The following CDH7 variants were observed in gnomAD, a reference collection of about 807,000 sequenced individuals.
The protein encoded by CDH7 is cadherin-7.
In CDH7, 25 loss-of-function variants were observed where a neutral mutation model predicts 71.8. The ratio of observed to expected loss-of-function variants is 0.35; its 90% CI spans 0.25 to 0.49. The LOEUF (loss-of-function observed/expected upper bound fraction) is 0.49, where lower values mean the gene tolerates loss of function less well. Ranked by LOEUF, CDH7 falls within the 20% of genes least tolerant of loss-of-function variation. The pLI is 0.99. For synonymous variants in CDH7, 381 were observed against 363.8 expected, an observed-to-expected ratio of 1.05 and a Z score of -0.54; for missense variants, 862 against 974.6, an observed-to-expected ratio of 0.88 and a Z score of 1.54.
chr18:65,796,923 G>A (rs73966304), intron 2 of CDH7, among the ~76,000 whole-genome samples: 2,760 of 152,238 alleles, frequency 0.018, 83 homozygotes, highest in African/African-American at 0.064. Flanking sequence ...AAATGTAGCC[G>A]TTAAGAAAAT....
At chr18:65,856,786 G>C (rs2144025510) in intron 7 of CDH7, among the ~76,000 whole-genome samples, 1 of 152,126 alleles carries the variant, frequency 6.6e-6, no homozygotes, top group South Asian at 2.1e-4. Flanking sequence ...AAGACTGCGA[G>C]GGGAACCTGA....
intron 7 of CDH7, among the ~76,000 whole-genome samples, chr18:65,850,871 GCACAAT>G (rs142586939): frequency 0.17 from 24,843 of 149,980 alleles, 2,606 homozygotes; most frequent in Non-Finnish European, 0.24. Flanking sequence ...GAGTGCAATG[GCACAAT>G]CATGGCTCAC....
In CDH7 at chr18:65,822,007, C is replaced by T. The variant is rs28722899; in HGVS notation, c.626-74C>T. On this transcript the variant is annotated intron_variant, in intron 4 of 11. Transcript: ENST00000397968. ...GCAACAACTCAAGAGGGACTTACTACTTGTATCAGTATTCTTTGTTAGTAT... is the reference window on the plus strand; with the variant it reads ...GCAACAACTCAAGAGGGACTTACTATTTGTATCAGTATTCTTTGTTAGTAT... 0.055 allele frequency: 64,272 copies of T among 1,169,118 alleles called. 3,357 individuals are homozygous for T. Among genetic ancestry groups the T allele is most frequent in the African/African-American group, 0.23 (15,092 of 66,348 alleles). The allele number at this position is 1,169,118 out of a possible 1,614,324, so 72.4% of individuals were successfully genotyped here.
chr18:65,868,283 C>T (rs1599064072), intron 11 of CDH7, among the ~76,000 whole-genome samples: 1 of 152,118 alleles, frequency 6.6e-6, no homozygotes, highest in South Asian at 2.1e-4. Flanking sequence ...AGCCTAAGTG[C>T]TTTACAAGCT....
intron 2 of CDH7, among the ~76,000 whole-genome samples, chr18:65,776,712 A>G (rs1265386705): frequency 1.3e-5 from 2 of 152,164 alleles, no homozygotes; most frequent in African/African-American, 4.8e-5. Flanking sequence ...CCAACCTATC[A>G]TATCGCCGAG....
At chr18:65,750,903 C>G (rs1441136519), upstream of CDH7, 1 of 152,166 alleles carries the variant, frequency 6.6e-6, no homozygotes, top group African/African-American at 2.4e-5. Context: ...CGCAGCGGGC[C>G]CCCGGCGCCC....
Position 65,889,242 on chromosome 18 carries a change from C to T in CDH7, c.*8348C>T, listed in dbSNP as rs1177562656. 6.6e-6 allele frequency: 1 copy of T among 151,946 alleles called. No individual in the cohort carries two copies. The highest frequency in any genetic ancestry group is 2.4e-5 in the African/African-American group (1 of 41,372). 9.4% of individuals were successfully genotyped at this position (151,946 alleles called of 1,614,324 possible). On this transcript the variant is annotated 3_prime_UTR_variant, in exon 12 of 12. Coordinates refer to ENST00000397968, the MANE Select transcript of CDH7 (RefSeq NM_004361.5). ...TGGCACACAAGGGTAGGAGAAAAAT[C>T]CCAACAACCCTTCCACCTTTTCCAA...
intron 6 of CDH7, among the ~76,000 whole-genome samples, chr18:65,840,041 GCAAA>G (rs758307348): frequency 6.6e-5 from 10 of 152,270 alleles, no homozygotes; most frequent in Non-Finnish European, 1.5e-4. Flanking sequence ...ATTATTATTT[GCAAA>G]CAATCATATT....
At chr18:65,803,897 A>G (rs1911217446) in intron 2 of CDH7, 1 of 150,470 alleles carries the variant, frequency 6.6e-6, no homozygotes, top group Admixed American at 6.6e-5. Flanking sequence ...TTACTTTGCC[A>G]TCATTACTTC....
rs1224753836 is a variant in CDH7, at chr18:65,780,224, G to T, written c.210+17172G>T. Among the ~76,000 whole-genome samples the T allele has an allele frequency of 1.7e-5, 2 of 118,784 alleles. 1 individual carries two copies. The highest frequency in any genetic ancestry group is 7.5e-5 in the African/African-American group (2 of 26,796). The allele number at this position is 118,784 out of a possible 152,430, so 77.9% of individuals were successfully genotyped here. On this transcript the variant is annotated intron_variant, in intron 2 of 11. Coordinates refer to ENST00000397968, the MANE Select transcript of CDH7 (RefSeq NM_004361.5). ...TATTAGCCCTTTGTCAGATGAGTAG[G>T]TTGCTAAAATTTTCTCCCATTCTGT...
chr18:65,804,799 T>G (rs781642131), intron 2 of CDH7, among the ~76,000 whole-genome samples: 1 of 151,966 alleles, frequency 6.6e-6, no homozygotes, highest in Non-Finnish European at 1.5e-5. Flanking sequence ...GAAAGATGCC[T>G]GTTTCTACCA....
chr18:65,880,437 A>G lies in CDH7; in HGVS notation c.1901A>G (p.Lys634Arg). The G allele has an allele frequency of 6.4e-7, 1 of 1,561,038 alleles. No homozygotes were observed. The highest frequency in any genetic ancestry group is 8.6e-7 in the Non-Finnish European group (1 of 1,160,880). The stretch of plus-strand genomic sequence containing the variant: ...CTTATCGTCACTATGAGAAGACGGA[A>G]AAAAGAGCCCCTTATTTTTGACGAA... ...ILLIVTMRRR[K>R]KEPLIFDEER... Residue 634 changes from lysine to arginine, a missense_variant, in exon 12 of 12, where the codon AAA becomes AGA. Transcript: ENST00000397968.
chr18:65,796,954 A>C (rs1055702488), intron 2 of CDH7, among the ~76,000 whole-genome samples: 23 of 152,202 alleles, frequency 1.5e-4, no homozygotes, highest in African/African-American at 5.3e-4. Flanking sequence ...TTACAGTTTA[A>C]AAATCTAAAC....
chr18:65,781,978 CTCTCTCTCTTTCTCTCTT>C (rs1910273635), intron 2 of CDH7, among the ~76,000 whole-genome samples: 3 of 91,854 alleles, frequency 3.3e-5, no homozygotes, highest in Non-Finnish European at 6.1e-5. Context: ...CTCTCTCTCT[CTCTCTCTCTTTCTCTCTT>C]TCTCTCTTTC....
chr18:65,756,908 TGTG>T (rs2143773817), intron 1 of CDH7, among the ~76,000 whole-genome samples: 1 of 152,338 alleles, frequency 6.6e-6, no homozygotes, highest in African/African-American at 2.4e-5. Context: ...AAACTACTCT[TGTG>T]GTGATATGTT....
chr18:65,814,331 TAAAA>T (rs199651757), intron 3 of CDH7, among the ~76,000 whole-genome samples, 150 bp from the exon 4 acceptor site: 1 of 150,264 alleles, frequency 6.7e-6, no homozygotes, highest in Non-Finnish European at 1.5e-5. Flanking sequence ...CTGGTTTACT[TAAAA>T]AAATACTGTA....
chr18:65,763,083 A>T (rs779386077), intron 2 of CDH7, 31 bp downstream of exon 2: 7 of 1,481,448 alleles, frequency 4.7e-6, no homozygotes, highest in Non-Finnish European at 6.5e-6. Context: ...AAAGTTGTAA[A>T]TGATTATTGT....
intron 7 of CDH7, among the ~76,000 whole-genome samples, chr18:65,856,914 T>G (rs1390084207): frequency 6.6e-6 from 1 of 151,898 alleles, no homozygotes; most frequent in East Asian, 1.9e-4. Context: ...ATTACAGATA[T>G]TTCAAGAAAA....
chr18:65,814,684 G>A, intron 4 of CDH7, 80 bp downstream of exon 4: 1 of 1,264,034 alleles, frequency 7.9e-7, no homozygotes. Flanking sequence ...AAATATAGTT[G>A]ACACTAATAA....
Sources: gnomAD v4.1 joint callset for allele counts (sites outside exome capture counted in the v4.1 genomes callset) on GRCh38, gnomAD v4.1.1 for gene constraint, MANE v1.5 for transcripts, NCBI Gene and HGNC (gene_info 2026-07-23, HGNC 2026-07-21) for gene names.